Variants in ARHGAP17 observed in about 807,000 individuals in gnomAD.
ARHGAP17 encodes Rho GTPase activating protein 17.
A neutral mutation model predicts 99.5 loss-of-function variants in ARHGAP17; 57 were observed. The observed-to-expected ratio is 0.57, with a 90% CI of 0.46 to 0.71. ARHGAP17 has a LOEUF of 0.71. ARHGAP17 is among the 30% of genes least tolerant of loss of function. ARHGAP17 has a pLI of 0.00. For missense variants in ARHGAP17, 1,000 were observed against 1,122.4 expected (o/e 0.89, Z 1.56); for synonymous variants, 417 against 429.6 (o/e 0.97, Z 0.36).
Position 24,941,996 on chromosome 16 carries a change from T to C in ARHGAP17, c.1481A>G (p.Lys494Arg). Residue 494 changes from lysine (K) to arginine (R), a missense_variant, in exon 16 of 20, where the codon AAG (lysine) becomes AGG (arginine). Coordinates refer to ENST00000289968, the MANE Select transcript of ARHGAP17 (RefSeq NM_001006634.3). ...AACGGTCAAATCATACCTTTCCTTC[T>C]TCACCAAGTCTCCTTCCATCACCGC... ...SMAVMEGDLV[K>R]KESFGVKLMD... 1 of 1,614,038 alleles carries C rather than the reference T, an allele frequency of 6.2e-7. No homozygotes were observed. The highest frequency in any genetic ancestry group is 8.5e-7 in the Non-Finnish European group (1 of 1,179,912).
At chr16:24,943,016 G>A (rs952741067) in intron 15 of ARHGAP17, among the ~76,000 whole-genome samples, 1 of 152,142 alleles carries the variant, frequency 6.6e-6, no homozygotes, top group Non-Finnish European at 1.5e-5. Context: ...GGAAAGATGG[G>A]TATCATGGGG....
intron 19 of ARHGAP17, among the ~76,000 whole-genome samples, chr16:24,921,450 C>A (rs1287357815): frequency 2.0e-5 from 3 of 152,156 alleles, no homozygotes; most frequent in Non-Finnish European, 2.9e-5. Flanking sequence ...CCCCTACTTG[C>A]TGTGGTGCAA....
intron 19 of ARHGAP17, among the ~76,000 whole-genome samples, chr16:24,922,181 A>C (rs1597347861): frequency 6.6e-6 from 1 of 152,254 alleles, no homozygotes; most frequent in Non-Finnish European, 1.5e-5. Context: ...CTTGGCCCCC[A>C]AAAACAGAAG....
Position 24,931,465 on chromosome 16 carries a change from C to T in ARHGAP17, c.1895-61G>A. The stretch of plus-strand genomic sequence containing the variant: ...ACAGTGAGGCAGCAACCAACCCTGG[C>T]CAGGAGCCCAAATTTAACATCACCA... On this transcript the variant is annotated intron_variant, in intron 18 of 19. Transcript: ENST00000289968. The T allele has an allele frequency of 4.8e-6, 7 of 1,456,362 alleles. No individual in the cohort carries two copies. The South Asian group carries it at 9.0e-5, about 19-fold the overall frequency. The allele number at this position is 1,456,362 out of a possible 1,614,324, so 90.2% of individuals were successfully genotyped here. A position where few individuals can be genotyped will look rare whatever the true frequency, so the allele number is the denominator to read the frequency against.
At chr16:24,956,370 C>A (rs749360638) in intron 9 of ARHGAP17, 1 of 152,244 alleles carries the variant, frequency 6.6e-6, no homozygotes, top group African/African-American at 2.4e-5. Context: ...CAGGCACTGG[C>A]CTCTCAAACA....
At position 24,930,902 on chromosome 16, in the gene ARHGAP17, TGGTCTC is replaced by T. The variant is rs1463535298; in HGVS notation, c.2391_2396del (p.Arg798_Pro799del). ...TGGGCCGGTTCCTTGGCTTTGGTAC[TGGTCTC>T]GGTCTCGGTAAGGTTCCAGCATGTG... On this transcript the variant is annotated inframe_deletion, in exon 19 of 20. Coordinates refer to ENST00000289968, the MANE Select transcript of ARHGAP17 (RefSeq NM_001006634.3). 1.2e-6 allele frequency: 2 copies of T among 1,613,916 alleles called. No homozygotes were observed. Among genetic ancestry groups the T allele is most frequent in the African/African-American group, 1.3e-5 (1 of 74,952 alleles).
rs75957421 is a variant in ARHGAP17 at position 24,968,757 on chromosome 16, C to G, written c.288G>C (p.Thr96=). ...EDSLLGKMLE[T]CGDAENQLAL... is the part of the protein sequence containing the mutation. ...CCAGCTGATTCTCAGCATCTCCACA[C>G]GTCTCCAGCATCTTCCTTTAAAAAC... The change falls in exon 5 of 20, where the codon ACG becomes ACC. Residue 96 remains threonine, a synonymous_variant. Coordinates refer to ENST00000289968, the MANE Select transcript of ARHGAP17 (RefSeq NM_001006634.3). 8 of 1,614,196 alleles carry G rather than the reference C, an allele frequency of 5.0e-6. No individual in the cohort carries two copies. Among genetic ancestry groups the G allele is most frequent in the Middle Eastern group, 1.6e-4 (1 of 6,062 alleles).
chr16:24,929,681 C>G, intron 19 of ARHGAP17: 1 of 987,330 alleles, frequency 1.0e-6, no homozygotes, highest in Non-Finnish European at 1.2e-6. Context: ...ACAAAACAAA[C>G]AAACCAACAT....
At position 24,931,359 on chromosome 16, in the gene ARHGAP17, G is replaced by A. The variant is rs774922805; in HGVS notation, c.1940C>T (p.Pro647Leu). Residue 647 changes from proline (P) to leucine (L), a missense_variant, in exon 19 of 20, where the codon CCT becomes CTT. Coordinates refer to ENST00000289968, the MANE Select transcript of ARHGAP17 (RefSeq NM_001006634.3). ...APAPPKPGNP[P>L]PGHPGGQSSS... ...ACTCTGGCCCCCGGGGTGGCCAGGA[G>A]GTGGGTTGCCCGGTTTCGGGGGTGC... is the stretch of plus-strand genomic sequence containing the variant. 1 of 1,514,052 alleles carries A rather than the reference G, an allele frequency of 6.6e-7. No individual in the cohort carries two copies. The highest frequency in any genetic ancestry group is 8.8e-7 in the Non-Finnish European group (1 of 1,134,156). The allele number at this position is 1,514,052 out of a possible 1,614,324, so 93.8% of individuals were successfully genotyped here. A position where few individuals can be genotyped will look rare whatever the true frequency, so the allele number is the denominator to read the frequency against.
At chr16:24,934,934 A>G (rs1322912103) in intron 18 of ARHGAP17, among the ~76,000 whole-genome samples, 1 of 152,202 alleles carries the variant, frequency 6.6e-6, no homozygotes, top group African/African-American at 2.4e-5. Flanking sequence ...GGCCCCACCA[A>G]AGCACAGAGA....
At chr16:24,939,706 G>T in intron 16 of ARHGAP17, 109 bp from the exon 17 acceptor site, 1 of 1,186,844 alleles carries the variant, frequency 8.4e-7, no homozygotes, top group Non-Finnish European at 1.2e-6. Flanking sequence ...CACCCAAGCT[G>T]CCCGGCATGC....
intron 16 of ARHGAP17, among the ~76,000 whole-genome samples, chr16:24,941,318 A>G (rs1368564027): frequency 6.6e-6 from 1 of 152,242 alleles, no homozygotes; most frequent in African/African-American, 2.4e-5. Flanking sequence ...CCTAGTGAGT[A>G]CAGTGGCATT....
At chr16:24,938,885 A>G (rs2051225073) in intron 17 of ARHGAP17, among the ~76,000 whole-genome samples, 1 of 152,176 alleles carries the variant, frequency 6.6e-6, no homozygotes, top group African/African-American at 2.4e-5. Context: ...GTGGAGTCTT[A>G]GTCACCTCAT....
chr16:25,003,599 T>C (rs2053430546), intron 1 of ARHGAP17, among the ~76,000 whole-genome samples: 1 of 151,930 alleles, frequency 6.6e-6, no homozygotes, highest in African/African-American at 2.4e-5. Context: ...CGAGGAGGGC[T>C]GATTGCTTGA....
chr16:25,007,417 G>C lies in ARHGAP17; in HGVS notation c.53+7792C>G, dbSNP rs116342464. Among the ~76,000 whole-genome samples the C allele has an allele frequency of 3.1e-3, 474 of 152,312 alleles. 1 individual carries two copies. The highest frequency in any genetic ancestry group is 0.011 in the African/African-American group (456 of 41,552). ...GTCTCACTCCATCACCCAGGCTGGA[G>C]CACGGTGGCAGGATCACAGTTCACT... On this transcript the variant is annotated intron_variant, in intron 1 of 19. Coordinates refer to ENST00000289968, the MANE Select transcript of ARHGAP17 (RefSeq NM_001006634.3).
At chr16:24,993,526 T>C (rs1378946748) in intron 1 of ARHGAP17, among the ~76,000 whole-genome samples, 1 of 151,520 alleles carries the variant, frequency 6.6e-6, no homozygotes, top group Admixed American at 6.6e-5. Flanking sequence ...GAGGCGAAGG[T>C]TGCAGTGAGC....
chr16:24,999,981 A>G (rs943084394), intron 1 of ARHGAP17, among the ~76,000 whole-genome samples: 1 of 152,118 alleles, frequency 6.6e-6, no homozygotes, highest in African/African-American at 2.4e-5. Context: ...TCTTAAACAC[A>G]GCAGAGCTTG....
chr16:24,928,643 G>C (rs1439012080), intron 19 of ARHGAP17, among the ~76,000 whole-genome samples: 1 of 152,152 alleles, frequency 6.6e-6, no homozygotes, highest in Admixed American at 6.5e-5. Flanking sequence ...TCCACTTACG[G>C]TTCCTACAGA....
chr16:25,003,377 G>T lies in ARHGAP17; in HGVS notation c.53+11832C>A, dbSNP rs192905588. Among the ~76,000 whole-genome samples the T allele has an allele frequency of 3.6e-3, 553 of 151,630 alleles. 5 individuals are homozygous for T. Among genetic ancestry groups the T allele is most frequent in the Middle Eastern group, 0.014 (4 of 292 alleles). Reference sequence around the variant, plus strand: ...AGCCTCCCAAGTAGCTGGGATTACAGGTGTGCACCACAATGCCTGGCTAAT... The same window carrying T: ...AGCCTCCCAAGTAGCTGGGATTACATGTGTGCACCACAATGCCTGGCTAAT... On this transcript the variant is annotated intron_variant, in intron 1 of 19. Coordinates refer to ENST00000289968, the MANE Select transcript of ARHGAP17 (RefSeq NM_001006634.3).
Sources: gnomAD v4.1 joint callset for allele counts (sites outside exome capture counted in the v4.1 genomes callset) on GRCh38, gnomAD v4.1.1 for gene constraint, MANE v1.5 for transcripts, NCBI Gene and HGNC (gene_info 2026-07-23, HGNC 2026-07-21) for gene names.